The following C2orf92 variants were observed in gnomAD, a reference collection of about 807,000 sequenced individuals.
C2orf92 encodes the protein uncharacterized protein C2orf92.
intron 5 of C2orf92, among the ~76,000 whole-genome samples, chr2:97,696,759 C>A (rs1375015963): frequency 6.6e-6 from 1 of 152,014 alleles, no homozygotes; most frequent in African/African-American, 2.4e-5. Context: ...AACAAAAAAA[C>A]CAATGGTCGA....
chr2:97,678,841 G>C (rs1275219669), intron 3 of C2orf92, among the ~76,000 whole-genome samples: 1 of 150,762 alleles, frequency 6.6e-6, no homozygotes, highest in East Asian at 1.9e-4. Context: ...AGTTGGGTGT[G>C]ATGGTGCACA....
chr2:97,694,659 C>T (rs1003129250), intron 5 of C2orf92: 2 of 152,090 alleles, frequency 1.3e-5, no homozygotes, highest in African/African-American at 4.8e-5. Context: ...TGGGTTGTTT[C>T]CACATTTTAG....
intron 3 of C2orf92, among the ~76,000 whole-genome samples, chr2:97,683,262 T>C (rs149180021): frequency 1.6e-4 from 25 of 152,148 alleles, no homozygotes; most frequent in African/African-American, 6.0e-4. Flanking sequence ...TACGATTATA[T>C]CAAAAAGAAT....
intron 3 of C2orf92, among the ~76,000 whole-genome samples, chr2:97,680,342 T>A (rs1675727673): frequency 6.6e-6 from 1 of 152,160 alleles, no homozygotes; most frequent in Admixed American, 6.5e-5. Flanking sequence ...AAATACTTTT[T>A]AATCAGTAAT....
chr2:97,700,004 G>T (rs1676439858), intron 6 of C2orf92, among the ~76,000 whole-genome samples: 1 of 152,190 alleles, frequency 6.6e-6, no homozygotes, highest in African/African-American at 2.4e-5. Flanking sequence ...GCTGCCCTGG[G>T]CAGCTCTCCA....
Position 97,701,153 on chromosome 2 carries a change from G to T in C2orf92, c.515-1G>T. ...ACTCTGCGCTGTGTCTTCTCATTTA[G>T]ATGCTCACTTTAGGACTATGCCCTG... On this transcript the variant is annotated splice_acceptor_variant, in intron 6 of 7. Coordinates refer to ENST00000627399, the MANE Select transcript of C2orf92 (RefSeq NM_001351368.2). LOFTEE classifies it high-confidence loss of function. The T allele has an allele frequency of 2.5e-6, 1 of 399,036 alleles. No individual in the cohort carries two copies. The highest frequency in any genetic ancestry group is 4.4e-6 in the Non-Finnish European group (1 of 226,062). The allele number at this position is 399,036 out of a possible 1,614,324, so 24.7% of individuals were successfully genotyped here. A position where few individuals can be genotyped will look rare whatever the true frequency, so the allele number is the denominator to read the frequency against.
chr2:97,683,101 C>CACACAT (rs1675833545), intron 3 of C2orf92, among the ~76,000 whole-genome samples: 1 of 151,808 alleles, frequency 6.6e-6, no homozygotes. Flanking sequence ...CACACACACA[C>CACACAT]ACACACACAC....
At chr2:97,698,915 A>G (rs1283292331) in intron 5 of C2orf92, 111 bp from the exon 6 acceptor site, 1 of 395,688 alleles carries the variant, frequency 2.5e-6, no homozygotes, top group African/African-American at 2.1e-5. Context: ...TTTTCCCCCA[A>G]GTCCTCCCTA....
At chr2:97,664,918 C>T (rs574133119), upstream of C2orf92, among the ~76,000 whole-genome samples, 7 of 152,296 alleles carry the variant, frequency 4.6e-5, no homozygotes, top group African/African-American at 9.6e-5. Context: ...GATCCTTTTC[C>T]TTATAAAAAT....
intron 1 of C2orf92, among the ~76,000 whole-genome samples, chr2:97,672,957 A>G (rs1470296438): frequency 2.0e-5 from 3 of 152,206 alleles, no homozygotes; most frequent in East Asian, 3.8e-4. Flanking sequence ...TGGAAGGGAA[A>G]GTAAAACTGC....
chr2:97,692,731 G>A (rs1053684950), intron 5 of C2orf92, among the ~76,000 whole-genome samples: 10 of 152,090 alleles, frequency 6.6e-5, no homozygotes, highest in African/African-American at 2.4e-4. Context: ...TTTACCTATT[G>A]TTATGCCTCT....
At chr2:97,691,988 T>G (rs1038148573) in intron 5 of C2orf92, among the ~76,000 whole-genome samples, 5 of 152,226 alleles carry the variant, frequency 3.3e-5, no homozygotes, top group Non-Finnish European at 2.9e-5. Context: ...ATTGTTTTCC[T>G]GGCTATTTTT....
At chr2:97,697,296 C>A (rs1253848850) in intron 5 of C2orf92, 1 of 152,172 alleles carries the variant, frequency 6.6e-6, no homozygotes, top group African/African-American at 2.4e-5. Context: ...ATAAAAGACG[C>A]CTTCAGATTC....
chr2:97,680,009 T>C (rs1215828239), intron 3 of C2orf92, among the ~76,000 whole-genome samples: 1 of 151,462 alleles, frequency 6.6e-6, no homozygotes, highest in Non-Finnish European at 1.5e-5. Context: ...ACACAACAAA[T>C]AGCAAAATGG....
intron 1 of C2orf92, chr2:97,671,652 C>T: frequency 2.5e-6 from 1 of 393,692 alleles, no homozygotes; most frequent in Non-Finnish European, 4.5e-6. Flanking sequence ...GTCACAGTCT[C>T]AGGAAATTAA....
At chr2:97,667,268 A>T (rs67377949), upstream of C2orf92, among the ~76,000 whole-genome samples, 3,935 of 22,560 alleles carry the variant, frequency 0.17, 608 homozygotes, top group Non-Finnish European at 0.23. Context: ...TCTCTTTTTT[A>T]TTTTTTTTTT....
At chr2:97,674,817 A>G (rs1675524365) in intron 2 of C2orf92, among the ~76,000 whole-genome samples, 1 of 152,014 alleles carries the variant, frequency 6.6e-6, no homozygotes, top group Non-Finnish European at 1.5e-5. Flanking sequence ...ATGTTCTGCC[A>G]CTCTGGAGGC....
At chr2:97,689,429 A>C (rs1223769851) in intron 4 of C2orf92, among the ~76,000 whole-genome samples, 2 of 152,244 alleles carry the variant, frequency 1.3e-5, no homozygotes, top group Non-Finnish European at 2.9e-5. Flanking sequence ...TGATAAAACA[A>C]GACCAAAAAA....
At chr2:97,675,560 C>G in intron 2 of C2orf92, 1 of 319,066 alleles carries the variant, frequency 3.1e-6, no homozygotes, top group Non-Finnish European at 5.7e-6. Flanking sequence ...CCTTTCTACC[C>G]GTTTTCCTGT....
Sources: gnomAD v4.1 joint callset for allele counts (sites outside exome capture counted in the v4.1 genomes callset) on GRCh38, gnomAD v4.1.1 for gene constraint, MANE v1.5 for transcripts, NCBI Gene and HGNC (gene_info 2026-07-23, HGNC 2026-07-21) for gene names.